The following GIT1 variants were observed in gnomAD, a reference collection of about 807,000 sequenced individuals.
GIT1 encodes GIT ArfGAP 1.
GIT1 carries 14 observed loss-of-function variants against 91.7 expected under a neutral mutation model. The ratio of observed to expected loss-of-function variants is 0.15; its 90% CI spans 0.10 to 0.24. GIT1 has a LOEUF of 0.24. Ranked by LOEUF, GIT1 falls within the 10% of genes least tolerant of loss-of-function variation. GIT1 has a pLI of 1.00. For missense variants in GIT1, 717 were observed against 1,024.9 expected (o/e 0.70, Z 4.10); for synonymous variants, 414 against 418.2 (o/e 0.99, Z 0.12).
At chr17:29,583,699 T>A in intron 1 of GIT1, 83 bp from the exon 2 acceptor site, 1 of 1,417,164 alleles carries the variant, frequency 7.1e-7, no homozygotes, top group Non-Finnish European at 9.5e-7. Flanking sequence ...GTGCCAAGCC[T>A]AGTACTCTCC....
intron 7 of GIT1, among the ~76,000 whole-genome samples, chr17:29,580,181 T>G (rs146687671): frequency 6.6e-6 from 1 of 152,228 alleles, no homozygotes; most frequent in Admixed American, 6.5e-5. Flanking sequence ...GCTGCCTCTG[T>G]GCTCCCAGTG....
chr17:29,575,403 C>G lies in GIT1; in HGVS notation c.1894G>C (p.Asp632His). The part of the protein sequence containing the change: ...EDFHPELESL[D>H]GDLDPGLPST... ...GGAAGCCCAGGATCTAGGTCTCCAT[C>G]CAGGCTTTCCAGCTCTGGGTGGAAG... is the stretch of plus-strand genomic sequence containing the variant. The change falls in exon 18 of 20, where the codon GAT (aspartate) becomes CAT (histidine). Residue 632 changes from aspartate (D) to histidine (H), a missense_variant. Asp to His is a moderately conservative substitution (Grantham distance 81). Around this residue, in one of 3 missense-constraint regions of GIT1, gnomAD observed 134 missense variants for 223.8 expected, o/e 0.60. Transcript: ENST00000225394. This position sits in a 1 kb window ranked among gnomAD's most constrained non-coding sequence, Gnocchi z 5.5. 1 of 1,613,718 alleles carries G rather than the reference C, an allele frequency of 6.2e-7. No homozygotes were observed. The highest frequency in any genetic ancestry group is 8.5e-7 in the Non-Finnish European group (1 of 1,179,800).
At chr17:29,579,373 C>T (rs979511133) in intron 7 of GIT1, 5 of 284,004 alleles carry the variant, frequency 1.8e-5, no homozygotes, top group South Asian at 5.0e-5. Flanking sequence ...TTTTTGGATA[C>T]ACCTGGCTGC....
chr17:29,582,779 C>T lies in GIT1; in HGVS notation c.324G>A (p.Arg108=). The T allele has an allele frequency of 6.2e-7, 1 of 1,613,612 alleles. No homozygotes were observed. Residue 108 remains arginine (R), a synonymous_variant, in exon 4 of 20, where the codon AGG becomes AGA. Transcript: ENST00000225394. ...KVHPIKSEFI[R]AKYQMLAFVH... is the part of the protein sequence containing the mutation. ...CAAATGCCAGCATCTGGTACTTGGC[C>T]CTGATGAACTCTGACTTGATGGGGC...
At chr17:29,583,694 A>T (rs2033482726) in intron 1 of GIT1, 78 bp from the exon 2 acceptor site, 1 of 1,453,726 alleles carries the variant, frequency 6.9e-7, no homozygotes, top group Non-Finnish European at 9.2e-7. Flanking sequence ...GGCCCGTGCC[A>T]AGCCTAGTAC....
chr17:29,589,250 G>A lies in GIT1; in HGVS notation c.52+77C>T, dbSNP rs2033720051. The stretch of plus-strand genomic sequence containing the variant: ...CCGCCCAGCCCTCCGGCCCCGCACA[G>A]CGCTCTTGCCAGGCCCCGGCGCCCG... On this transcript the variant is annotated intron_variant, in intron 1 of 19. Transcript: ENST00000225394. The surrounding 1 kb of genome is among the most constrained non-coding windows in gnomAD (Gnocchi z 5.2). The A allele has an allele frequency of 2.8e-6, 1 of 361,290 alleles. No individual in the cohort carries two copies. The highest frequency in any genetic ancestry group is 3.9e-6 in the Non-Finnish European group (1 of 259,198). The allele number at this position is 361,290 out of a possible 1,614,324, so 22.4% of individuals were successfully genotyped here. A position where few individuals can be genotyped will look rare whatever the true frequency, so the allele number is the denominator to read the frequency against.
intron 1 of GIT1, among the ~76,000 whole-genome samples, chr17:29,584,086 G>T (rs1163919820): frequency 1.3e-5 from 2 of 152,266 alleles, no homozygotes; most frequent in Non-Finnish European, 2.9e-5. Flanking sequence ...GCCAGCAGGT[G>T]AGGTCCTTTC....
chr17:29,584,372 A>G (rs1201726592), intron 1 of GIT1, among the ~76,000 whole-genome samples: 1 of 152,214 alleles, frequency 6.6e-6, no homozygotes, highest in Non-Finnish European at 1.5e-5. Flanking sequence ...AGACCATGCC[A>G]TGTCCACACT....
Position 29,581,881 on chromosome 17 carries a change from C to A in GIT1, c.624-45G>T. ...CTCAGACCTGCAGCAGCAGCCCTCA[C>A]CCACACCCCCACCCACCCACACTGC... On this transcript the variant is annotated intron_variant, in intron 5 of 19. Coordinates refer to ENST00000225394, the MANE Select transcript of GIT1 (RefSeq NM_014030.4). The surrounding 1 kb of genome is among the most constrained non-coding windows in gnomAD (Gnocchi z 4.8). The A allele has an allele frequency of 6.2e-7, 1 of 1,606,120 alleles. No individual in the cohort carries two copies. Among genetic ancestry groups the A allele is most frequent in the Non-Finnish European group, 8.5e-7 (1 of 1,174,058 alleles).
At chr17:29,585,083 C>T (rs896164047) in intron 1 of GIT1, among the ~76,000 whole-genome samples, 8 of 151,518 alleles carry the variant, frequency 5.3e-5, no homozygotes, top group Admixed American at 2.6e-4. Context: ...CCAAGGTGAC[C>T]GCCAACACCT....
Position 29,574,801 on chromosome 17 carries a change from G to A in GIT1, c.2187C>T (p.Asp729=). ...TCACCTGCTGAGTCAGCAGCTGGAA[G>A]TCCACTGGGGCGCCGGGCTCTGGGG... is the stretch of plus-strand genomic sequence containing the variant. ...TVPPEPGAPV[D]FQLLTQQVIQ... Residue 729 remains aspartate, a synonymous_variant, in exon 20 of 20, where the codon GAC becomes GAT. Transcript: ENST00000225394. 1.9e-6 allele frequency: 3 copies of A among 1,612,630 alleles called. No individual in the cohort carries two copies. Among genetic ancestry groups the A allele is most frequent in the Non-Finnish European group, 2.5e-6 (3 of 1,179,916 alleles).
intron 9 of GIT1, 89 bp downstream of exon 9, chr17:29,578,210 G>T (rs751286221): frequency 9.2e-7 from 1 of 1,082,886 alleles, no homozygotes; most frequent in Non-Finnish European, 1.4e-6. Context: ...CCAACCCCAG[G>T]CACCCCTTCT....
chr17:29,582,683 T>A lies in GIT1; in HGVS notation c.405+15A>T. On this transcript the variant is annotated intron_variant, in intron 4 of 19. Coordinates refer to ENST00000225394, the MANE Select transcript of GIT1 (RefSeq NM_014030.4). ...AGAGGAGGGGGCCACCCATCTGTTG[T>A]AGGGCCCCTCAAACCTTGCTGAGGT... 1 of 1,540,494 alleles carries A rather than the reference T, an allele frequency of 6.5e-7. No individual in the cohort carries two copies. Among genetic ancestry groups the A allele is most frequent in the Non-Finnish European group, 9.0e-7 (1 of 1,113,472 alleles).
intron 11 of GIT1, 60 bp from the exon 12 acceptor site, chr17:29,577,056 A>G (rs2033235330): frequency 6.2e-7 from 1 of 1,607,170 alleles, no homozygotes; most frequent in African/African-American, 1.3e-5. Flanking sequence ...CTCTCAGGTC[A>G]CCACTGGCAG....
At position 29,581,005 on chromosome 17, in the gene GIT1, C is replaced by G; in HGVS notation, c.761+333G>C. The G allele has an allele frequency of 3.1e-6, 1 of 324,328 alleles. No homozygotes were observed. Among genetic ancestry groups the G allele is most frequent in the Non-Finnish European group, 6.0e-6 (1 of 166,806 alleles). 20.1% of individuals were successfully genotyped at this position (324,328 alleles called of 1,614,324 possible). On this transcript the variant is annotated intron_variant, in intron 7 of 19. Transcript: ENST00000225394. The surrounding 1 kb of genome is among the most constrained non-coding windows in gnomAD (Gnocchi z 4.8). ...TGTTGGCCAGGCTAGTCTTGAACTCCCGACCTCAGGTGATCCGCCCGCCTC... is the reference window on the plus strand; with the variant it reads ...TGTTGGCCAGGCTAGTCTTGAACTCGCGACCTCAGGTGATCCGCCCGCCTC...
rs1449086721 is a variant in GIT1 at position 29,576,463 on chromosome 17, A to T, written c.1381-13T>A. The T allele has an allele frequency of 6.2e-7, 1 of 1,612,638 alleles. No individual in the cohort carries two copies. The highest frequency in any genetic ancestry group is 8.5e-7 in the Non-Finnish European group (1 of 1,179,436). On this transcript the variant is annotated splice_polypyrimidine_tract_variant and intron_variant, in intron 13 of 19. Transcript: ENST00000225394. The stretch of plus-strand genomic sequence containing the variant: ...GCAGCTTGTGGATCTATGGGTGCAA[A>T]GTGCTGTCAACCCCCTGGAGTCCTG...
At chr17:29,578,870 TCCC>T (rs2033304615) in intron 7 of GIT1, 91 bp from the exon 8 acceptor site, 1 of 1,560,222 alleles carries the variant, frequency 6.4e-7, no homozygotes, top group Admixed American at 1.7e-5. Flanking sequence ...CATGCAGGGA[TCCC>T]GGGGAGATGG....
intron 4 of GIT1, 91 bp from the exon 5 acceptor site, chr17:29,582,235 T>A: frequency 1.0e-6 from 1 of 969,984 alleles, no homozygotes; most frequent in Non-Finnish European, 1.5e-6. Context: ...CTGGGACACC[T>A]AGCAGCTCCA....
chr17:29,576,456 G>T lies in GIT1; in HGVS notation c.1381-6C>A, dbSNP rs561423835. The T allele has an allele frequency of 6.2e-7, 1 of 1,612,550 alleles. No individual in the cohort carries two copies. Among genetic ancestry groups the T allele is most frequent in the African/African-American group, 1.3e-5 (1 of 75,010 alleles). On this transcript the variant is annotated splice_polypyrimidine_tract_variant and splice_region_variant and intron_variant, in intron 13 of 19. Coordinates refer to ENST00000225394, the MANE Select transcript of GIT1 (RefSeq NM_014030.4). ...TCCGCCTGCAGCTTGTGGATCTATG[G>T]GTGCAAAGTGCTGTCAACCCCCTGG...
Sources: allele counts gnomAD v4.1 joint callset (sites outside exome capture counted in the v4.1 genomes callset), GRCh38; gene constraint gnomAD v4.1.1; regional missense constraint gnomAD v4.1.1; non-coding constraint Gnocchi (gnomAD v3.1); transcripts MANE v1.5; gene names NCBI Gene and HGNC (gene_info 2026-07-23, HGNC 2026-07-21).